MARCHF1: variants seen among roughly 807,000 people sequenced by gnomAD.
MARCHF1 encodes E3 ubiquitin-protein ligase MARCHF1.
Under a neutral mutation model 54.2 loss-of-function variants are expected in MARCHF1, and 40 were observed. That is an observed-to-expected ratio of 0.74 (90% confidence interval 0.57 to 0.96). The LOEUF is 0.96. MARCHF1 is among the 40% of genes least tolerant of loss of function. The pLI, the probability that MARCHF1 is intolerant of heterozygous loss-of-function variation, is 0.00. For missense variants in MARCHF1, 586 were observed against 656.5 expected, an observed-to-expected ratio of 0.89 and a Z score of 1.17; for synonymous variants, 236 against 236.3, an observed-to-expected ratio of 1.00 and a Z score of 0.01.
intron 5 of MARCHF1, among the ~76,000 whole-genome samples, chr4:163,617,174 C>T (rs1006821099): frequency 1.3e-5 from 2 of 152,114 alleles, no homozygotes; most frequent in East Asian, 1.9e-4. Flanking sequence ...GCATTTCTCA[C>T]TCATTTGTGG....
Position 163,975,182 on chromosome 4 carries a change from TCTCTCTCTCTCTCTCA to T in MARCHF1, c.-39+13303_-39+13318del, listed in dbSNP as rs1228039553. On this transcript the variant is annotated intron_variant, in intron 3 of 9. Transcript: ENST00000514618. ...TAATAAAGCTCTCTCTCTCTCTCTC[TCTCTCTCTCTCTCTCA>T]CACACACACACACACACACACACAC... Among the ~76,000 whole-genome samples, 1,356 of 139,304 alleles carry T rather than the reference TCTCTCTCTCTCTCTCA, an allele frequency of 9.7e-3. 22 individuals are homozygous for T. The highest frequency in any genetic ancestry group is 0.038 in the African/African-American group (1,242 of 32,554). The allele number at this position is 139,304 out of a possible 152,430, so 91.4% of individuals were successfully genotyped here. A position where few individuals can be genotyped will look rare whatever the true frequency, so the allele number is the denominator to read the frequency against.
intron 5 of MARCHF1, among the ~76,000 whole-genome samples, chr4:163,660,047 T>G (rs761431979): frequency 6.6e-6 from 1 of 152,086 alleles, no homozygotes; most frequent in Non-Finnish European, 1.5e-5. Context: ...GCAATCTCAT[T>G]ACTGGGTATA....
intron 2 of MARCHF1, among the ~76,000 whole-genome samples, chr4:164,032,601 A>G (rs1007510946): frequency 2.0e-5 from 3 of 152,182 alleles, no homozygotes; most frequent in Admixed American, 6.5e-5. Flanking sequence ...CCCAGGAGTC[A>G]TTCAGAAGCA....
Position 163,663,351 on chromosome 4 carries a change from G to A in MARCHF1, c.162+37462C>T, listed in dbSNP as rs571842097. ...ATGATCACAACTGACCACCCCCCAG[G>A]GCAGCCACACTGTCAGCTCTCAGGC... On this transcript the variant is annotated intron_variant, in intron 5 of 9. Transcript: ENST00000514618. Among the ~76,000 whole-genome samples the A allele has an allele frequency of 4.6e-5, 7 of 151,576 alleles. No homozygotes were observed. The East Asian group carries it at 1.4e-3, about 30-fold the overall frequency.
chr4:163,559,471 T>C (rs181675890), intron 8 of MARCHF1, among the ~76,000 whole-genome samples: 2 of 152,204 alleles, frequency 1.3e-5, no homozygotes, highest in Admixed American at 6.5e-5. Flanking sequence ...AAAAACCACA[T>C]CCATGTTGGG....
At chr4:164,110,850 G>A (rs936493582) in intron 2 of MARCHF1, among the ~76,000 whole-genome samples, 3 of 151,748 alleles carry the variant, frequency 2.0e-5, no homozygotes, top group African/African-American at 7.2e-5. Flanking sequence ...TTGTAAAGGA[G>A]GGGAAAATCC....
chr4:163,800,802 A>G (rs568685878), intron 4 of MARCHF1, among the ~76,000 whole-genome samples: 1 of 152,108 alleles, frequency 6.6e-6, no homozygotes, highest in Non-Finnish European at 1.5e-5. Context: ...AAACCTTTTA[A>G]AGGAAAAAAT....
intron 2 of MARCHF1, among the ~76,000 whole-genome samples, chr4:164,034,337 C>A (rs77405085): frequency 0.12 from 17,635 of 151,894 alleles, 1,178 homozygotes; most frequent in South Asian, 0.22. Flanking sequence ...GTTGGCAAGG[C>A]CTCTGAGAAA....
At chr4:163,816,623 ATATT>A (rs1397747257) in intron 4 of MARCHF1, among the ~76,000 whole-genome samples, 1 of 152,184 alleles carries the variant, frequency 6.6e-6, no homozygotes, top group Admixed American at 6.6e-5. Flanking sequence ...TAAGAGGCAT[ATATT>A]TATTTGATTC....
intron 1 of MARCHF1, among the ~76,000 whole-genome samples, chr4:164,287,471 A>G (rs1013848503): frequency 3.3e-5 from 5 of 152,196 alleles, no homozygotes; most frequent in Non-Finnish European, 1.5e-5. Context: ...CATCCTGATT[A>G]GAAAGCTGTA....
At position 163,894,593 on chromosome 4, in the gene MARCHF1, T is replaced by C. The variant is rs1011785601; in HGVS notation, c.-38-40424A>G. 3.8e-3 allele frequency among the ~76,000 whole-genome samples: 553 copies of C among 146,214 alleles called. 24 individuals carry two copies. The highest frequency in any genetic ancestry group is 0.012 in the East Asian group (56 of 4,868). On this transcript the variant is annotated intron_variant, in intron 3 of 9. Coordinates refer to ENST00000514618, the MANE Select transcript of MARCHF1 (RefSeq NM_001394959.1). ...TATATGCATGTGATGCATATATATA[T>C]ATGCATGTGATGCATATATATATAT...
intron 3 of MARCHF1, among the ~76,000 whole-genome samples, chr4:163,916,925 G>A (rs1325122100): frequency 6.6e-6 from 1 of 152,070 alleles, no homozygotes; most frequent in Non-Finnish European, 1.5e-5. Context: ...TTTGACAAAT[G>A]TATAATGATA....
intron 8 of MARCHF1, among the ~76,000 whole-genome samples, chr4:163,582,131 A>C (rs1036272208): frequency 1.3e-5 from 2 of 152,116 alleles, no homozygotes; most frequent in African/African-American, 4.8e-5. Context: ...CAGAATAGGA[A>C]ATTAGTTTAT....
chr4:164,327,970 G>A (rs903548540), intron 1 of MARCHF1, among the ~76,000 whole-genome samples: 6 of 152,122 alleles, frequency 3.9e-5, no homozygotes, highest in African/African-American at 9.7e-5. Flanking sequence ...GCTAGGCTTC[G>A]CACCTGAGTC....
chr4:163,721,658 C>G (rs1745465676), intron 4 of MARCHF1, among the ~76,000 whole-genome samples: 1 of 152,122 alleles, frequency 6.6e-6, no homozygotes, highest in Admixed American at 6.5e-5. Context: ...CCATCTGGTC[C>G]TGGACTTTCT....
In MARCHF1 at chr4:163,558,304, C is replaced by A. The variant is rs112593365; in HGVS notation, c.1192-12561G>T. ...TTCATGGAATTCGTTCAAAAGGAATCTCTTTATGACTATTTGGGGTAGAAA... is the reference window on the plus strand; with the variant it reads ...TTCATGGAATTCGTTCAAAAGGAATATCTTTATGACTATTTGGGGTAGAAA... On this transcript the variant is annotated intron_variant, in intron 8 of 9. Coordinates refer to ENST00000514618, the MANE Select transcript of MARCHF1 (RefSeq NM_001394959.1). Among the ~76,000 whole-genome samples the A allele has an allele frequency of 8.4e-3, 1,280 of 152,288 alleles. 20 individuals carry two copies. The highest frequency in any genetic ancestry group is 0.029 in the African/African-American group (1,225 of 41,550).
intron 2 of MARCHF1, among the ~76,000 whole-genome samples, chr4:164,014,079 C>G (rs1753484725): frequency 6.6e-6 from 1 of 151,804 alleles, no homozygotes; most frequent in African/African-American, 2.4e-5. Context: ...GTACTCCCAG[C>G]TACTTGGGAG....
At chr4:163,972,896 C>A (rs1421031766) in intron 3 of MARCHF1, among the ~76,000 whole-genome samples, 3 of 152,048 alleles carry the variant, frequency 2.0e-5, no homozygotes, top group Admixed American at 6.6e-5. Flanking sequence ...TTATAGAAAT[C>A]TAAGGGGCTC....
intron 1 of MARCHF1, among the ~76,000 whole-genome samples, chr4:164,334,336 T>C (rs773705507): frequency 5.3e-5 from 8 of 152,204 alleles, no homozygotes; most frequent in Non-Finnish European, 8.8e-5. Flanking sequence ...TAGGGGCTAA[T>C]GCAGCTTTGA....
Sources: gnomAD v4.1 joint callset for allele counts (sites outside exome capture counted in the v4.1 genomes callset) on GRCh38, gnomAD v4.1.1 for gene constraint, MANE v1.5 for transcripts, NCBI Gene and HGNC (gene_info 2026-07-23, HGNC 2026-07-21) for gene names.